The following ARHGEF3 variants were observed in gnomAD, a reference collection of about 807,000 sequenced individuals.
ARHGEF3 encodes Rho guanine nucleotide exchange factor 3.
ARHGEF3 carries 28 observed loss-of-function variants against 63.2 expected under a neutral mutation model. The observed-to-expected ratio is 0.44, with a 90% CI of 0.33 to 0.61. The LOEUF (loss-of-function observed/expected upper bound fraction) is 0.61, where lower values mean the gene tolerates loss of function less well. Among genes scored for constraint, ARHGEF3 ranks in the 20% least tolerant of loss-of-function variants. The pLI, the probability that ARHGEF3 is intolerant of heterozygous loss-of-function variation, is 0.03. For missense variants in ARHGEF3, 533 were observed against 659.3 expected (o/e 0.81, Z 2.10); for synonymous variants, 266 against 254.2 (o/e 1.05, Z -0.44).
At chr3:56,784,233 G>A (rs1372998788) in intron 1 of ARHGEF3, among the ~76,000 whole-genome samples, 2 of 152,246 alleles carry the variant, frequency 1.3e-5, no homozygotes, top group Non-Finnish European at 2.9e-5. Flanking sequence ...GCAGCATCAA[G>A]TCTCTGTGGC....
chr3:56,855,324 A>T (rs540140119), intron 4 of ARHGEF3, among the ~76,000 whole-genome samples: 1 of 152,316 alleles, frequency 6.6e-6, no homozygotes, highest in South Asian at 2.1e-4. Flanking sequence ...GAATTCAAAT[A>T]CACGTTTGCT....
chr3:56,975,811 T>C (rs1344752561), intron 2 of ARHGEF3: 3 of 426,942 alleles, frequency 7.0e-6, no homozygotes, highest in African/African-American at 4.1e-5. Flanking sequence ...TTACATGAAG[T>C]ATAACAGGAC....
At position 57,007,066 on chromosome 3, in the gene ARHGEF3, GCTGA is replaced by G. The variant is rs888791652; in HGVS notation, c.62+28018_62+28021del. 8 of 927,260 alleles carry G rather than the reference GCTGA, an allele frequency of 8.6e-6. No individual in the cohort carries two copies. In the African/African-American group the frequency reaches 8.8e-5, roughly 10 times the overall value. 57.4% of individuals were successfully genotyped at this position (927,260 alleles called of 1,614,324 possible). A position where few individuals can be genotyped will look rare whatever the true frequency, so the allele number is the denominator to read the frequency against. ...TCACACTGTGCTCCTCACTCTGGGT[GCTGA>G]CTATTAAGGTGTGCTCAGCATGTGA... On this transcript the variant is annotated intron_variant, in intron 2 of 12. Transcript: ENST00000338458.
rs144077252 is a variant in ARHGEF3 at position 56,991,185 on chromosome 3, A to C, written c.63-32296T>G. On this transcript the variant is annotated intron_variant, in intron 2 of 12. Transcript: ENST00000338458. ...TCTTCCGACCCCAGACTCCTCCAGC[A>C]TGAAGGCTGAGGTTCAACTTCCTAG... is the stretch of plus-strand genomic sequence containing the variant. Among the ~76,000 whole-genome samples, 222 of 152,244 alleles carry C rather than the reference A, an allele frequency of 1.5e-3. 2 individuals are homozygous for C. Among genetic ancestry groups the C allele is most frequent in the African/African-American group, 5.1e-3 (212 of 41,560 alleles).
chr3:56,853,889 G>C (rs1416588936), intron 4 of ARHGEF3, among the ~76,000 whole-genome samples: 1 of 152,128 alleles, frequency 6.6e-6, no homozygotes, highest in East Asian at 1.9e-4. Flanking sequence ...AGGGCTCTCA[G>C]TAGAAGTTAC....
At chr3:56,906,173 G>T (rs1184143685) in intron 3 of ARHGEF3, among the ~76,000 whole-genome samples, 1 of 152,128 alleles carries the variant, frequency 6.6e-6, no homozygotes, top group African/African-American at 2.4e-5. Flanking sequence ...CAATATGGGA[G>T]CCACGAGGTA....
intron 2 of ARHGEF3, among the ~76,000 whole-genome samples, chr3:57,031,016 G>A (rs1703708712): frequency 6.6e-6 from 1 of 152,228 alleles, no homozygotes; most frequent in African/African-American, 2.4e-5. Context: ...AGTGGGGTTG[G>A]CCCAGGCTGA....
intron 2 of ARHGEF3, among the ~76,000 whole-genome samples, chr3:56,758,894 C>A (rs1197468454): frequency 1.3e-5 from 2 of 152,142 alleles, no homozygotes. Context: ...AGAAAGGAAA[C>A]ACACACAAAA....
chr3:56,867,644 T>C (rs1266891265), intron 4 of ARHGEF3, among the ~76,000 whole-genome samples: 1 of 152,098 alleles, frequency 6.6e-6, no homozygotes, highest in Non-Finnish European at 1.5e-5. Context: ...ATAATTTTTA[T>C]ATTTTTCATA....
At chr3:57,002,492 T>TAC (rs1702267216) in intron 2 of ARHGEF3, among the ~76,000 whole-genome samples, 1 of 34,496 alleles carries the variant, frequency 2.9e-5, no homozygotes, top group African/African-American at 1.1e-4. Context: ...TATATATATA[T>TAC]ATATGTTATA....
intron 2 of ARHGEF3, among the ~76,000 whole-genome samples, chr3:56,759,278 C>T (rs1429923976): frequency 1.3e-5 from 2 of 149,848 alleles, no homozygotes; most frequent in African/African-American, 4.9e-5. Context: ...ATTGGGTTCA[C>T]ACCATTCTCC....
chr3:56,877,625 G>A (rs762593880), intron 4 of ARHGEF3, among the ~76,000 whole-genome samples: 22 of 151,844 alleles, frequency 1.4e-4, no homozygotes, highest in Non-Finnish European at 2.9e-4. Flanking sequence ...CTCTCGCCTC[G>A]GCCTCCCAAA....
intron 4 of ARHGEF3, among the ~76,000 whole-genome samples, chr3:56,817,366 C>T (rs2038312160): frequency 6.6e-6 from 1 of 152,118 alleles, no homozygotes; most frequent in Non-Finnish European, 1.5e-5. Flanking sequence ...CAGGAACCAA[C>T]CAACCAGTTG....
intron 1 of ARHGEF3, among the ~76,000 whole-genome samples, chr3:57,052,260 G>A (rs576981829): frequency 2.6e-5 from 4 of 152,294 alleles, no homozygotes; most frequent in Non-Finnish European, 5.9e-5. Flanking sequence ...CTGATCCAAT[G>A]TCACACCTGA....
chr3:56,740,500 A>G (rs542267908), intron 7 of ARHGEF3, among the ~76,000 whole-genome samples: 1 of 152,344 alleles, frequency 6.6e-6, no homozygotes, highest in East Asian at 1.9e-4. Context: ...TCAAGACAAA[A>G]TAATTTCACA....
chr3:56,987,400 C>G (rs1157891571), intron 2 of ARHGEF3, among the ~76,000 whole-genome samples: 1 of 152,178 alleles, frequency 6.6e-6, no homozygotes, highest in Non-Finnish European at 1.5e-5. Context: ...TTACCAGCAC[C>G]AGCACTGGGC....
At chr3:56,888,835 G>A (rs542606162) in intron 3 of ARHGEF3, among the ~76,000 whole-genome samples, 65 of 152,130 alleles carry the variant, frequency 4.3e-4, no homozygotes, top group African/African-American at 1.4e-3. Context: ...CCTGGGAGAC[G>A]GAGGTTGCGG....
chr3:56,803,888 C>CT (rs113834830), upstream of ARHGEF3, among the ~76,000 whole-genome samples: 305 of 143,670 alleles, frequency 2.1e-3, 1 homozygote, highest in East Asian at 0.014. Context: ...TATTTTCTTT[C>CT]TTTTTTTTTT....
rs548099991 is a variant in ARHGEF3, at chr3:56,927,965, C to T, written c.129+30858G>A. On this transcript the variant is annotated intron_variant, in intron 3 of 12. Transcript: ENST00000338458. ...AATGAGAAAACCTGAGGTTCAGAGA[C>T]GTTAAGCAATTGCCAGACAGCACAC... is the stretch of plus-strand genomic sequence containing the variant. 5.3e-5 allele frequency among the ~76,000 whole-genome samples: 8 copies of T among 152,186 alleles called. No homozygotes were observed. In the South Asian group the frequency reaches 1.5e-3, roughly 28 times the overall value.
Sources: allele counts gnomAD v4.1 joint callset (sites outside exome capture counted in the v4.1 genomes callset), GRCh38; gene constraint gnomAD v4.1.1; transcripts MANE v1.5; gene names NCBI Gene and HGNC (gene_info 2026-07-23, HGNC 2026-07-21).